The following RGS8 variants were observed in gnomAD, a reference collection of about 807,000 sequenced individuals.
The protein encoded by RGS8 is regulator of G-protein signaling 8.
In RGS8, 8 loss-of-function variants were observed where a neutral mutation model predicts 21.7. That is an observed-to-expected ratio of 0.37 (90% CI 0.22 to 0.66). RGS8 has a LOEUF of 0.66. RGS8 is among the 30% of genes least tolerant of loss of function. RGS8 has a pLI of 0.59. For synonymous variants in RGS8, 80 were observed against 83.6 expected, an observed-to-expected ratio of 0.96 and a Z score of 0.24; for missense variants, 157 against 217.9, an observed-to-expected ratio of 0.72 and a Z score of 1.76.
chr1:182,722,217 G>GTTT, the RGS8 span, among the ~76,000 whole-genome samples: 2 of 144,530 alleles, frequency 1.4e-5, no homozygotes, highest in Non-Finnish European at 3.0e-5. Context: ...AGAAACAAGT[G>GTTT]TTTTTTTTTT....
the RGS8 span, among the ~76,000 whole-genome samples, chr1:182,699,595 C>T: frequency 2.6e-5 from 4 of 152,348 alleles, no homozygotes; most frequent in African/African-American, 9.6e-5. Flanking sequence ...CACACAGATC[C>T]CTGTTGGAGG....
the RGS8 span, among the ~76,000 whole-genome samples, chr1:182,728,921 T>C: frequency 6.6e-6 from 1 of 152,148 alleles, no homozygotes. Context: ...GGTTGACAGG[T>C]GCAGCAAACC....
chr1:182,741,937 T>C, the RGS8 span, among the ~76,000 whole-genome samples: 1 of 143,454 alleles, frequency 7.0e-6, no homozygotes, highest in Admixed American at 6.8e-5. Flanking sequence ...CGCTCCTCAC[T>C]TCCCAGACGG....
chr1:182,657,525 C>G (rs989579437), intron 5 of RGS8, among the ~76,000 whole-genome samples: 1 of 152,150 alleles, frequency 6.6e-6, no homozygotes, highest in East Asian at 1.9e-4. Context: ...TCCCCAAGCC[C>G]AGGCAACTGA....
chr1:182,729,338 G>A, the RGS8 span, among the ~76,000 whole-genome samples: 1 of 152,164 alleles, frequency 6.6e-6, no homozygotes, highest in Non-Finnish European at 1.5e-5. Context: ...CAGCTCTTCT[G>A]CCCATATTTA....
the RGS8 span, among the ~76,000 whole-genome samples, chr1:182,696,289 G>C: frequency 6.6e-6 from 1 of 152,060 alleles, no homozygotes; most frequent in African/African-American, 2.4e-5. Flanking sequence ...TCCAAACCTA[G>C]TCTCTGTCTA....
At chr1:182,700,420 A>G in the RGS8 span, among the ~76,000 whole-genome samples, 5 of 152,136 alleles carry the variant, frequency 3.3e-5, no homozygotes, top group Non-Finnish European at 7.4e-5. Flanking sequence ...CCAATCTGAC[A>G]CCTCAGCATT....
the RGS8 span, among the ~76,000 whole-genome samples, chr1:182,741,358 G>A: frequency 1.7e-4 from 23 of 134,590 alleles, 1 homozygote; most frequent in Non-Finnish European, 3.4e-4. Context: ...CGGGCGGGGG[G>A]GCTGAACCCC....
chr1:182,714,415 T>C, the RGS8 span: 1 of 152,246 alleles, frequency 6.6e-6, no homozygotes, highest in Non-Finnish European at 1.5e-5. Context: ...GATGAATATA[T>C]GTTGAATAAC....
the RGS8 span, among the ~76,000 whole-genome samples, chr1:182,739,883 G>A: frequency 6.6e-6 from 1 of 152,120 alleles, no homozygotes; most frequent in African/African-American, 2.4e-5. Flanking sequence ...AAGGGAAGGG[G>A]GGCAAACGGC....
chr1:182,685,616 A>G (rs1664682846), upstream of RGS8, among the ~76,000 whole-genome samples: 1 of 152,162 alleles, frequency 6.6e-6, no homozygotes, highest in African/African-American at 2.4e-5. Context: ...CTCTGGAGGG[A>G]GGGAACAGGA....
the RGS8 span, among the ~76,000 whole-genome samples, chr1:182,694,413 C>A: frequency 6.6e-6 from 1 of 152,128 alleles, no homozygotes; most frequent in Non-Finnish European, 1.5e-5. Context: ...TCTGTGATTT[C>A]CAGACTTGTA....
the RGS8 span, among the ~76,000 whole-genome samples, chr1:182,698,942 T>C: frequency 6.6e-6 from 1 of 152,214 alleles, no homozygotes; most frequent in Non-Finnish European, 1.5e-5. Flanking sequence ...GTTACATATA[T>C]TCAGCACGTC....
the RGS8 span, among the ~76,000 whole-genome samples, chr1:182,705,980 T>G: frequency 8.5e-5 from 13 of 152,152 alleles, no homozygotes; most frequent in Non-Finnish European, 1.6e-4. Flanking sequence ...CAACTTTTTT[T>G]TTCTTTATTT....
chr1:182,731,951 T>G, the RGS8 span, among the ~76,000 whole-genome samples: 1 of 152,060 alleles, frequency 6.6e-6, no homozygotes, highest in Non-Finnish European at 1.5e-5. Flanking sequence ...TAGATCACAG[T>G]GGGAGAGACT....
At chr1:182,750,297 C>T in the RGS8 span, among the ~76,000 whole-genome samples, 1 of 152,178 alleles carries the variant, frequency 6.6e-6, no homozygotes, top group Non-Finnish European at 1.5e-5. Flanking sequence ...CCCATGTCCA[C>T]ATTTTTTAGT....
At chr1:182,683,368 C>G (rs996366067) in intron 1 of RGS8, among the ~76,000 whole-genome samples, 3 of 152,194 alleles carry the variant, frequency 2.0e-5, no homozygotes, top group Admixed American at 6.5e-5. Context: ...AGTTATCTCA[C>G]TCCCACTTGC....
chr1:182,652,857 A>G (rs1663088716), intron 5 of RGS8, among the ~76,000 whole-genome samples: 1 of 152,110 alleles, frequency 6.6e-6, no homozygotes, highest in South Asian at 2.1e-4. Context: ...GGTAGAGGAG[A>G]GGGCAGCTAA....
chr1:182,731,995 T>C, the RGS8 span, among the ~76,000 whole-genome samples: 1 of 152,116 alleles, frequency 6.6e-6, no homozygotes, highest in African/African-American at 2.4e-5. Context: ...GTTACTGCAA[T>C]GACCTGGGTA....
Sources: allele counts gnomAD v4.1 joint callset (sites outside exome capture counted in the v4.1 genomes callset), GRCh38; gene constraint gnomAD v4.1.1; transcripts MANE v1.5; gene names NCBI Gene and HGNC (gene_info 2026-07-23, HGNC 2026-07-21).